Variants in PLAAT1 observed in about 807,000 individuals in gnomAD.
PLAAT1 encodes the protein H-REV107 protein-related protein.
In PLAAT1, 13 loss-of-function variants were observed where a neutral mutation model predicts 16.4. The observed-to-expected ratio is 0.79, with a 90% CI of 0.52 to 1.26. The LOEUF (loss-of-function observed/expected upper bound fraction) is 1.26. Among genes scored for constraint, PLAAT1 ranks in the 50% most tolerant of loss-of-function variants. The pLI, the probability that PLAAT1 is intolerant of heterozygous loss-of-function variation, is 0.00. For missense variants in PLAAT1, 218 were observed against 207.8 expected (o/e 1.05, Z -0.30); for synonymous variants, 73 against 78.4 (o/e 0.93, Z 0.36).
At chr3:193,269,204 G>C (rs1020929916) in intron 3 of PLAAT1, among the ~76,000 whole-genome samples, 2 of 152,092 alleles carry the variant, frequency 1.3e-5, no homozygotes, top group East Asian at 3.9e-4. Context: ...TTAGGAAATA[G>C]TTTAGGTAAG....
intron 1 of PLAAT1, among the ~76,000 whole-genome samples, chr3:193,245,000 A>G (rs1480215445): frequency 6.6e-6 from 1 of 152,216 alleles, no homozygotes; most frequent in Non-Finnish European, 1.5e-5. Context: ...CAAACATTCA[A>G]ACCATAGCAC....
At chr3:193,251,393 C>G (rs1716187665) in intron 1 of PLAAT1, among the ~76,000 whole-genome samples, 1 of 152,114 alleles carries the variant, frequency 6.6e-6, no homozygotes, top group African/African-American at 2.4e-5. Flanking sequence ...GTATTACAGA[C>G]CAGAACCACA....
downstream of PLAAT1, among the ~76,000 whole-genome samples, chr3:193,273,514 A>C (rs929916031): frequency 1.3e-5 from 2 of 152,230 alleles, no homozygotes; most frequent in African/African-American, 4.8e-5. Flanking sequence ...ATTCCTAAAG[A>C]TTTCAGAATT....
At chr3:193,280,214 C>T (rs2108815867), downstream of PLAAT1, among the ~76,000 whole-genome samples, 1 of 152,110 alleles carries the variant, frequency 6.6e-6, no homozygotes, top group East Asian at 1.9e-4. Flanking sequence ...CCATGCATGG[C>T]TAAATTTTTT....
chr3:193,255,615 G>T (rs1289467144), intron 1 of PLAAT1, 36 bp from the exon 2 acceptor site: 37 of 1,566,300 alleles, frequency 2.4e-5, no homozygotes, highest in Non-Finnish European at 3.0e-5. Context: ...TTGGCAAGTT[G>T]TATTAGCTAG....
At position 193,251,018 on chromosome 3, in the gene PLAAT1, A is replaced by G. The variant is rs1716172942; in HGVS notation, c.1-4633A>G. Reference sequence around the variant, plus strand: ...TGGAGCGAGCAGGGGAAAGAAGTGCAGTGAGTGCCTATCTCCTGTTCAAGC... The same window carrying G: ...TGGAGCGAGCAGGGGAAAGAAGTGCGGTGAGTGCCTATCTCCTGTTCAAGC... On this transcript the variant is annotated intron_variant, in intron 1 of 3. Coordinates refer to ENST00000264735, the MANE Select transcript of PLAAT1 (RefSeq NM_020386.5). Among the ~76,000 whole-genome samples the G allele has an allele frequency of 1.3e-5, 2 of 151,660 alleles. 1 individual carries two copies. Among genetic ancestry groups the G allele is most frequent in the African/African-American group, 4.8e-5 (2 of 41,414 alleles).
intron 2 of PLAAT1, among the ~76,000 whole-genome samples, chr3:193,257,816 G>A (rs1003220455): frequency 2.0e-5 from 3 of 152,106 alleles, no homozygotes; most frequent in Non-Finnish European, 4.4e-5. Flanking sequence ...AGAGGAACGT[G>A]GAAAAATTAC....
chr3:193,265,495 CAG>C (rs770017431), intron 3 of PLAAT1, among the ~76,000 whole-genome samples: 15 of 152,088 alleles, frequency 9.9e-5, no homozygotes, highest in African/African-American at 1.7e-4. Flanking sequence ...TGAGGTAAAT[CAG>C]GGGAGACTGC....
chr3:193,241,550 G>C lies in PLAAT1; in HGVS notation c.-1+17G>C, dbSNP rs572354037. 13 of 1,231,654 alleles carry C rather than the reference G, an allele frequency of 1.1e-5. No individual in the cohort carries two copies. Among genetic ancestry groups the C allele is most frequent in the Admixed American group, 8.4e-5 (2 of 23,708 alleles). 76.3% of individuals were successfully genotyped at this position (1,231,654 alleles called of 1,614,324 possible). Reference sequence around the variant, plus strand: ...GAGAGTGAGGTGTGCTGGGCGGAGTGGGGGAGGACCTCGAGGCGCCCCGGC... The same window carrying C: ...GAGAGTGAGGTGTGCTGGGCGGAGTCGGGGAGGACCTCGAGGCGCCCCGGC... On this transcript the variant is annotated intron_variant, in intron 1 of 3. Transcript: ENST00000264735.
At chr3:193,244,843 A>G (rs1434678959) in intron 1 of PLAAT1, among the ~76,000 whole-genome samples, 1 of 152,106 alleles carries the variant, frequency 6.6e-6, no homozygotes, top group Non-Finnish European at 1.5e-5. Context: ...CCTTTAATCC[A>G]TGAACTCCTT....
chr3:193,278,592 G>T (rs1279741537), downstream of PLAAT1, among the ~76,000 whole-genome samples: 4 of 152,076 alleles, frequency 2.6e-5, no homozygotes, highest in East Asian at 5.8e-4. Context: ...TTCTTATTGG[G>T]AATATCCCTA....
chr3:193,249,815 A>G (rs1716127557), intron 1 of PLAAT1, among the ~76,000 whole-genome samples: 1 of 151,590 alleles, frequency 6.6e-6, no homozygotes, highest in South Asian at 2.1e-4. Context: ...TTTCAGTTAT[A>G]TTATTATTCA....
At chr3:193,264,846 T>C (rs1235691693) in intron 3 of PLAAT1, among the ~76,000 whole-genome samples, 1 of 152,220 alleles carries the variant, frequency 6.6e-6, no homozygotes, top group Non-Finnish European at 1.5e-5. Flanking sequence ...TTATTTGCCT[T>C]TTTATTGTTC....
chr3:193,271,369 C>T (rs2108805920), downstream of PLAAT1, among the ~76,000 whole-genome samples: 1 of 152,282 alleles, frequency 6.6e-6, no homozygotes, highest in South Asian at 2.1e-4. Flanking sequence ...ATATTATTCC[C>T]TTTGGATTTT....
downstream of PLAAT1, among the ~76,000 whole-genome samples, chr3:193,275,752 T>G (rs997381010): frequency 1.3e-5 from 2 of 152,268 alleles, no homozygotes; most frequent in African/African-American, 4.8e-5. Context: ...AGTTTTCTTT[T>G]GTTCACATGC....
intron 1 of PLAAT1, among the ~76,000 whole-genome samples, chr3:193,249,722 TA>T (rs1252583227): frequency 6.6e-6 from 1 of 152,076 alleles, no homozygotes; most frequent in Non-Finnish European, 1.5e-5. Context: ...AATTATGATT[TA>T]CCAATGACCC....
At chr3:193,240,839 G>A (rs574280608), upstream of PLAAT1, among the ~76,000 whole-genome samples, 12 of 152,190 alleles carry the variant, frequency 7.9e-5, no homozygotes, top group African/African-American at 2.6e-4. Flanking sequence ...GATTCCTTGG[G>A]CCCTAAGGGA....
Position 193,263,099 on chromosome 3 carries a change from A to G in PLAAT1, c.269A>G (p.Tyr90Cys). The G allele has an allele frequency of 6.2e-7, 1 of 1,614,072 alleles. No individual in the cohort carries two copies. ...YRINNKYDET[Y>C]PPLPVEEIIK... Reference sequence around the variant, plus strand: ...ATAAACAATAAATACGATGAAACGTACCCCCCTCTCCCTGTGGAAGAAATC... The same window carrying G: ...ATAAACAATAAATACGATGAAACGTGCCCCCCTCTCCCTGTGGAAGAAATC... The change falls in exon 3 of 4, where the codon TAC becomes TGC. Residue 90 changes from tyrosine to cysteine, a missense_variant. By Grantham distance (194) the Tyr-to-Cys change is radical. Transcript: ENST00000264735.
At chr3:193,264,965 C>G (rs762026905) in intron 3 of PLAAT1, among the ~76,000 whole-genome samples, 4 of 152,154 alleles carry the variant, frequency 2.6e-5, no homozygotes, top group African/African-American at 7.2e-5. Context: ...AATGAGATTT[C>G]GCTTCACACT....
Sources: allele counts gnomAD v4.1 joint callset (sites outside exome capture counted in the v4.1 genomes callset), GRCh38; gene constraint gnomAD v4.1.1; transcripts MANE v1.5; gene names NCBI Gene and HGNC (gene_info 2026-07-23, HGNC 2026-07-21).